ZRANB3: variants seen among roughly 807,000 people sequenced by gnomAD.
ZRANB3 encodes DNA annealing helicase and endonuclease ZRANB3.
Under a neutral mutation model 133.8 loss-of-function variants are expected in ZRANB3, and 125 were observed. The ratio of observed to expected loss-of-function variants is 0.93; its 90% CI spans 0.81 to 1.08. The LOEUF (loss-of-function observed/expected upper bound fraction) is 1.08, where lower values mean the gene tolerates loss of function less well. Among genes scored for constraint, ZRANB3 ranks in the 50% least tolerant of loss-of-function variants. The pLI is 0.00. For missense variants in ZRANB3, 1,229 were observed against 1,275.5 expected, an observed-to-expected ratio of 0.96 and a Z score of 0.56; for synonymous variants, 387 against 432.7, an observed-to-expected ratio of 0.89 and a Z score of 1.31.
intron 1 of ZRANB3, among the ~76,000 whole-genome samples, chr2:135,520,378 G>C (rs1197152238): frequency 6.6e-6 from 1 of 151,428 alleles, no homozygotes; most frequent in Non-Finnish European, 1.5e-5. Flanking sequence ...CTGGGTGACA[G>C]AGTAAGACTC....
intron 2 of ZRANB3, among the ~76,000 whole-genome samples, chr2:135,480,013 A>T (rs1691694533): frequency 6.6e-6 from 1 of 151,322 alleles, no homozygotes; most frequent in African/African-American, 2.4e-5. Flanking sequence ...AGCTCACTGC[A>T]AGCTCCGCCT....
chr2:135,442,724 C>G (rs1025960688), intron 2 of ZRANB3, among the ~76,000 whole-genome samples: 5 of 152,124 alleles, frequency 3.3e-5, no homozygotes, highest in African/African-American at 9.7e-5. Context: ...ATAAATACTA[C>G]TACTATAAAG....
At chr2:135,349,721 T>C (rs1004878073) in intron 5 of ZRANB3, among the ~76,000 whole-genome samples, 6 of 151,026 alleles carry the variant, frequency 4.0e-5, no homozygotes, top group African/African-American at 7.4e-5. Flanking sequence ...AAGAATATTA[T>C]AAAGTTGTAC....
chr2:135,495,332 A>G (rs1190360382), intron 2 of ZRANB3, among the ~76,000 whole-genome samples: 1 of 152,228 alleles, frequency 6.6e-6, no homozygotes, highest in East Asian at 1.9e-4. Context: ...TAAAAAACAC[A>G]TACTATATTA....
chr2:135,333,299 T>TCA (rs780762403), intron 6 of ZRANB3, among the ~76,000 whole-genome samples: 4 of 152,176 alleles, frequency 2.6e-5, no homozygotes, highest in Non-Finnish European at 5.9e-5. Flanking sequence ...GTACAGTATA[T>TCA]TTCCAATGAT....
rs897784719 is a variant in ZRANB3, at chr2:135,435,699, A to G, written c.162-44879T>C. Among the ~76,000 whole-genome samples, 5 of 152,192 alleles carry G rather than the reference A, an allele frequency of 3.3e-5. No homozygotes were observed. The South Asian group carries it at 1.0e-3, about 32-fold the overall frequency. Reference sequence around the variant, plus strand: ...TAATAGCCATTCTGACTGGTGTGAGATGGTATCTCACTGTGGCTTTGATTT... The same window carrying G: ...TAATAGCCATTCTGACTGGTGTGAGGTGGTATCTCACTGTGGCTTTGATTT... On this transcript the variant is annotated intron_variant, in intron 2 of 20. Coordinates refer to ENST00000264159, the MANE Select transcript of ZRANB3 (RefSeq NM_032143.4).
intron 1 of ZRANB3, among the ~76,000 whole-genome samples, chr2:135,522,192 C>T (rs538702045): frequency 6.6e-6 from 1 of 152,238 alleles, no homozygotes; most frequent in African/African-American, 2.4e-5. Context: ...TCACAGAAAC[C>T]GCCACTGCTA....
rs765377714 is a variant in ZRANB3, at chr2:135,504,246, G to T, written c.161+83C>A. On this transcript the variant is annotated intron_variant, in intron 2 of 20. Coordinates refer to ENST00000264159, the MANE Select transcript of ZRANB3 (RefSeq NM_032143.4). ...TACTAAAGAAAGACTGTGAATACAC[G>T]AAAAGAAAGTTTGAACAGAACTTTG... 1.0e-5 allele frequency: 16 copies of T among 1,536,550 alleles called. No individual in the cohort carries two copies. The East Asian group carries it at 3.4e-4, about 33-fold the overall frequency.
chr2:135,312,546 T>A (rs1181422157), intron 8 of ZRANB3, among the ~76,000 whole-genome samples: 1 of 152,170 alleles, frequency 6.6e-6, no homozygotes, highest in Non-Finnish European at 1.5e-5. Flanking sequence ...ACTTGACAGT[T>A]ACACTAATTT....
chr2:135,433,664 C>T (rs1410020266), intron 2 of ZRANB3, among the ~76,000 whole-genome samples: 2 of 151,768 alleles, frequency 1.3e-5, no homozygotes. Context: ...CCAGTCTGGC[C>T]AACATGGCAA....
intron 2 of ZRANB3, among the ~76,000 whole-genome samples, chr2:135,484,431 T>A (rs780129600): frequency 6.6e-6 from 1 of 152,188 alleles, no homozygotes; most frequent in Non-Finnish European, 1.5e-5. Context: ...ATAAATTTCA[T>A]GTATTATTAC....
At chr2:135,469,015 C>T (rs1359096630) in intron 2 of ZRANB3, among the ~76,000 whole-genome samples, 2 of 152,048 alleles carry the variant, frequency 1.3e-5, no homozygotes, top group Non-Finnish European at 2.9e-5. Context: ...ATAAAGATGT[C>T]ACATAAATCC....
At chr2:135,422,703 A>C (rs1688914785) in intron 2 of ZRANB3, among the ~76,000 whole-genome samples, 1 of 152,184 alleles carries the variant, frequency 6.6e-6, no homozygotes, top group Admixed American at 6.5e-5. Flanking sequence ...AAAAGGTATT[A>C]CTGCAGGAGG....
chr2:135,481,283 C>G (rs560042828), intron 2 of ZRANB3, among the ~76,000 whole-genome samples: 333 of 151,200 alleles, frequency 2.2e-3, no homozygotes, highest in African/African-American at 5.9e-3. Flanking sequence ...CCTGTTGTTT[C>G]CTGACTTTTT....
At chr2:135,341,383 A>C (rs1295577835) in intron 6 of ZRANB3, among the ~76,000 whole-genome samples, 1 of 149,902 alleles carries the variant, frequency 6.7e-6, no homozygotes, top group Non-Finnish European at 1.5e-5. Context: ...ATACTCTTAT[A>C]ATTTCCTATC....
At chr2:135,225,561 G>A (rs1014549643) in intron 14 of ZRANB3, among the ~76,000 whole-genome samples, 1 of 152,160 alleles carries the variant, frequency 6.6e-6, no homozygotes, top group African/African-American at 2.4e-5. Context: ...TAAAATAGTT[G>A]TCTTTGCCTT....
intron 3 of ZRANB3, among the ~76,000 whole-genome samples, chr2:135,355,675 C>T (rs541708388): frequency 3.9e-4 from 60 of 152,176 alleles, no homozygotes; most frequent in Middle Eastern, 3.4e-3. Context: ...CAGATCTTTA[C>T]CTGGCTAGAG....
At chr2:135,230,117 AT>A (rs1380414324) in intron 13 of ZRANB3, among the ~76,000 whole-genome samples, 2 of 152,238 alleles carry the variant, frequency 1.3e-5, no homozygotes, top group Non-Finnish European at 2.9e-5. Context: ...AAACATAAAA[AT>A]AATCCACAAT....
At chr2:135,381,072 G>A (rs1210283932) in intron 3 of ZRANB3, among the ~76,000 whole-genome samples, 12 of 152,156 alleles carry the variant, frequency 7.9e-5, no homozygotes, top group South Asian at 4.1e-4. Flanking sequence ...ACCTGGAAGC[G>A]TAAGGGATCA....
Sources: gnomAD v4.1 joint callset for allele counts (sites outside exome capture counted in the v4.1 genomes callset) on GRCh38, gnomAD v4.1.1 for gene constraint, MANE v1.5 for transcripts, NCBI Gene and HGNC (gene_info 2026-07-23, HGNC 2026-07-21) for gene names.